GNB4: variants seen among roughly 807,000 people sequenced by gnomAD.
The protein encoded by GNB4 is G protein subunit beta 4, also known as guanine nucleotide-binding protein subunit beta-4.
In GNB4, 28 loss-of-function variants were observed where a neutral mutation model predicts 45.2. The observed-to-expected ratio is 0.62, with a 90% CI of 0.46 to 0.85. The LOEUF (loss-of-function observed/expected upper bound fraction) is 0.85. GNB4 is among the 40% of genes least tolerant of loss of function. The probability of loss-of-function intolerance (pLI) is 0.00; values close to 1 mark genes in which losing one functional copy is unlikely to be tolerated. For synonymous variants in GNB4, 132 were observed against 143.7 expected (o/e 0.92, Z 0.58); for missense variants, 321 against 425.4 (o/e 0.75, Z 2.16).
the GNB4 span, among the ~76,000 whole-genome samples, chr3:179,477,818 GT>G: frequency 6.6e-6 from 1 of 152,040 alleles, no homozygotes; most frequent in Non-Finnish European, 1.5e-5. Context: ...GACACTCTAG[GT>G]TTTTTTCTAT....
At chr3:179,481,934 G>A in the GNB4 span, among the ~76,000 whole-genome samples, 5 of 151,734 alleles carry the variant, frequency 3.3e-5, no homozygotes, top group Middle Eastern at 3.4e-3. Flanking sequence ...ACAGGGTCTC[G>A]CTCTATCACC....
At chr3:179,527,283 A>G in the GNB4 span, among the ~76,000 whole-genome samples, 1 of 152,202 alleles carries the variant, frequency 6.6e-6, no homozygotes, top group Non-Finnish European at 1.5e-5. Context: ...TGCTACAGAA[A>G]GGATGAAAAA....
intron 1 of GNB4, among the ~76,000 whole-genome samples, chr3:179,450,410 T>C (rs1460745432): frequency 6.6e-6 from 1 of 152,222 alleles, no homozygotes; most frequent in African/African-American, 2.4e-5. Flanking sequence ...TTAATGGTCA[T>C]AAACTCTGTT....
the GNB4 span, among the ~76,000 whole-genome samples, chr3:179,466,481 C>T: frequency 6.6e-6 from 1 of 152,170 alleles, no homozygotes; most frequent in Admixed American, 6.5e-5. Flanking sequence ...ATTGACCTAC[C>T]TCCCTCCTTG....
At chr3:179,507,290 A>G in the GNB4 span, among the ~76,000 whole-genome samples, 1 of 152,090 alleles carries the variant, frequency 6.6e-6, no homozygotes, top group African/African-American at 2.4e-5. Flanking sequence ...ATCTTTTCAA[A>G]ATGAGATTCC....
the GNB4 span, among the ~76,000 whole-genome samples, chr3:179,471,452 T>C: frequency 6.6e-6 from 1 of 152,200 alleles, no homozygotes; most frequent in Non-Finnish European, 1.5e-5. Flanking sequence ...ACTTTTTCTA[T>C]GTTTAGATAC....
chr3:179,523,957 G>A, the GNB4 span, among the ~76,000 whole-genome samples: 1 of 152,164 alleles, frequency 6.6e-6, no homozygotes, highest in Non-Finnish European at 1.5e-5. Context: ...ATAAAAGAAT[G>A]TTGTCCAAGT....
In GNB4 at chr3:179,413,738, A is replaced by C. The variant is rs1315530468; in HGVS notation, c.474T>G (p.Val158=). Residue 158 remains valine, a synonymous_variant, in exon 7 of 10, where the codon GTT becomes GTG. Coordinates refer to ENST00000232564, the MANE Select transcript of GNB4 (RefSeq NM_021629.4). ...CCRFLDDSQI[V]TSSGDTTCAL... is the part of the protein sequence containing the mutation. The stretch of plus-strand genomic sequence containing the variant: ...ACCAAGTTGTATCTCCTGAACTTGT[A>C]ACAATTTGGCTGTCATCTAAAAAAC... The C allele has an allele frequency of 4.3e-6, 7 of 1,614,078 alleles. No homozygotes were observed. Among genetic ancestry groups the C allele is most frequent in the Non-Finnish European group, 5.9e-6 (7 of 1,180,030 alleles).
chr3:179,519,403 A>G, the GNB4 span, among the ~76,000 whole-genome samples: 1,050 of 152,316 alleles, frequency 6.9e-3, 11 homozygotes, highest in African/African-American at 0.024. Flanking sequence ...TAACTCTCAC[A>G]GTGGAGGGTA....
chr3:179,444,836 T>C (rs1435915100), intron 1 of GNB4, among the ~76,000 whole-genome samples: 1 of 152,240 alleles, frequency 6.6e-6, no homozygotes, highest in Non-Finnish European at 1.5e-5. Flanking sequence ...ATGTATATAA[T>C]TTACGTCACA....
At chr3:179,426,492 A>G (rs191470265) in intron 1 of GNB4, among the ~76,000 whole-genome samples, 1 of 152,258 alleles carries the variant, frequency 6.6e-6, no homozygotes, top group Admixed American at 6.5e-5. Flanking sequence ...AATTATGGGG[A>G]ATTAGTACCA....
At position 179,413,695 on chromosome 3, in the gene GNB4, T is replaced by C; in HGVS notation, c.497+20A>G. The stretch of plus-strand genomic sequence containing the variant: ...ACCACCCTCAAACCCATAATCAGTG[T>C]GCTTCTGGAATAAACTTACCAAGTT... On this transcript the variant is annotated intron_variant, in intron 7 of 9. Transcript: ENST00000232564. 1 of 1,613,604 alleles carries C rather than the reference T, an allele frequency of 6.2e-7. No homozygotes were observed. The highest frequency in any genetic ancestry group is 2.2e-5 in the East Asian group (1 of 44,888).
the GNB4 span, among the ~76,000 whole-genome samples, chr3:179,460,949 T>G: frequency 6.6e-6 from 1 of 152,220 alleles, no homozygotes; most frequent in African/African-American, 2.4e-5. Flanking sequence ...TAAATACGAA[T>G]GAAATCAATG....
the GNB4 span, among the ~76,000 whole-genome samples, chr3:179,511,371 G>A: frequency 3.3e-5 from 5 of 152,344 alleles, no homozygotes; most frequent in East Asian, 9.6e-4. Context: ...AGTAACAACT[G>A]TATAAGATAA....
intron 2 of GNB4, among the ~76,000 whole-genome samples, chr3:179,423,544 G>A (rs1020681968): frequency 6.6e-6 from 1 of 152,186 alleles, no homozygotes; most frequent in African/African-American, 2.4e-5. Context: ...AGCACTTTGG[G>A]AGGCCGAGGC....
At chr3:179,413,205 A>T (rs571108858) in intron 8 of GNB4, among the ~76,000 whole-genome samples, 2 of 152,090 alleles carry the variant, frequency 1.3e-5, no homozygotes, top group Non-Finnish European at 2.9e-5. Flanking sequence ...AACAAAAAAA[A>T]ATCCAACAAT....
chr3:179,416,856 G>A (rs1188464892), intron 4 of GNB4, among the ~76,000 whole-genome samples: 1 of 152,158 alleles, frequency 6.6e-6, no homozygotes, highest in Non-Finnish European at 1.5e-5. Flanking sequence ...GACTGGTTTA[G>A]TACTTACTGA....
At chr3:179,521,067 C>T in the GNB4 span, among the ~76,000 whole-genome samples, 1 of 152,176 alleles carries the variant, frequency 6.6e-6, no homozygotes, top group East Asian at 1.9e-4. Flanking sequence ...TTTGCCCCAC[C>T]CAGGACTGGC....
chr3:179,525,686 G>A, the GNB4 span, among the ~76,000 whole-genome samples: 1 of 152,208 alleles, frequency 6.6e-6, no homozygotes, highest in African/African-American at 2.4e-5. Flanking sequence ...ACCAGCGCCG[G>A]AGTTTTGGGT....
Sources: allele counts gnomAD v4.1 joint callset (sites outside exome capture counted in the v4.1 genomes callset), GRCh38; gene constraint gnomAD v4.1.1; transcripts MANE v1.5; gene names NCBI Gene and HGNC (gene_info 2026-07-23, HGNC 2026-07-21).